GAS7: variants seen among roughly 807,000 people sequenced by gnomAD.
GAS7 encodes the protein growth arrest-specific protein 7.
GAS7 carries 28 observed loss-of-function variants against 71.1 expected under a neutral mutation model. The observed-to-expected ratio is 0.39, with a 90% confidence interval of 0.29 to 0.54. The LOEUF (loss-of-function observed/expected upper bound fraction) is 0.54, where lower values mean the gene tolerates loss of function less well. Ranked by LOEUF, GAS7 falls within the 20% of genes least tolerant of loss-of-function variation. The pLI is 0.62. For missense variants in GAS7, 436 were observed against 627.8 expected, an observed-to-expected ratio of 0.69 and a Z score of 3.27; for synonymous variants, 258 against 245.8, an observed-to-expected ratio of 1.05 and a Z score of -0.46.
intron 1 of GAS7, among the ~76,000 whole-genome samples, chr17:10,120,471 G>A (rs2073895432): frequency 6.6e-6 from 1 of 152,168 alleles, no homozygotes; most frequent in Admixed American, 6.5e-5. Context: ...ACAGTGAAGG[G>A]AGGCCAAGGC....
intron 2 of GAS7, among the ~76,000 whole-genome samples, chr17:9,983,643 C>T (rs1199631817): frequency 1.3e-5 from 2 of 151,862 alleles, no homozygotes. Flanking sequence ...CAAAAATTAG[C>T]TGGGCGCGAT....
chr17:10,033,583 A>C (rs566972786), intron 1 of GAS7, among the ~76,000 whole-genome samples: 62 of 152,366 alleles, frequency 4.1e-4, no homozygotes, highest in Non-Finnish European at 7.6e-4. Context: ...CTCACCAGAA[A>C]GGATCTTCAA....
intron 2 of GAS7, among the ~76,000 whole-genome samples, chr17:10,003,003 T>C (rs1179149529): frequency 6.6e-6 from 1 of 152,244 alleles, no homozygotes; most frequent in Non-Finnish European, 1.5e-5. Context: ...GACCACATCT[T>C]AACTTGATCA....
chr17:10,111,272 C>T (rs1241409414), intron 1 of GAS7, among the ~76,000 whole-genome samples: 8 of 145,518 alleles, frequency 5.5e-5, no homozygotes, highest in South Asian at 4.5e-4. Flanking sequence ...CAATGGCTCA[C>T]GCCTGTAATC....
intron 1 of GAS7, among the ~76,000 whole-genome samples, chr17:10,196,815 T>G (rs1471969331): frequency 1.3e-5 from 2 of 152,204 alleles, no homozygotes; most frequent in Non-Finnish European, 2.9e-5. Context: ...TTGCTTCTCA[T>G]GTAAGAAGCA....
At chr17:10,105,325 C>A (rs985513138) in intron 1 of GAS7, among the ~76,000 whole-genome samples, 7 of 152,098 alleles carry the variant, frequency 4.6e-5, no homozygotes, top group African/African-American at 1.7e-4. Context: ...CTCCTCTGAT[C>A]TTCTCCAGCA....
chr17:10,059,559 T>A, intron 1 of GAS7: 6 of 269,250 alleles, frequency 2.2e-5, no homozygotes, highest in Non-Finnish European at 3.4e-5. Flanking sequence ...AGCCAAACCC[T>A]AGCCAAGCAA....
chr17:9,963,053 A>AAAG (rs1555605776), intron 4 of GAS7, among the ~76,000 whole-genome samples: 3 of 150,846 alleles, frequency 2.0e-5, no homozygotes, highest in African/African-American at 7.4e-5. Context: ...AAAAAAAAAA[A>AAAG]GAAAAAAAGG....
At chr17:9,939,062 T>C (rs369210101) in intron 8 of GAS7, among the ~76,000 whole-genome samples, 27 of 152,354 alleles carry the variant, frequency 1.8e-4, no homozygotes, top group African/African-American at 6.3e-4. Flanking sequence ...GTGGGTTGTT[T>C]CCACCTTTTG....
At chr17:10,041,566 T>C (rs1373432394) in intron 1 of GAS7, among the ~76,000 whole-genome samples, 1 of 152,232 alleles carries the variant, frequency 6.6e-6, no homozygotes, top group African/African-American at 2.4e-5. Context: ...AGACATTTAA[T>C]TCTTTAGGAT....
At chr17:10,144,179 G>C (rs963503053) in intron 1 of GAS7, among the ~76,000 whole-genome samples, 5 of 152,196 alleles carry the variant, frequency 3.3e-5, no homozygotes, top group African/African-American at 9.7e-5. Flanking sequence ...GCTAGTGACT[G>C]TTTCCCCTTT....
At chr17:10,134,442 C>T (rs538882211) in intron 1 of GAS7, among the ~76,000 whole-genome samples, 1 of 152,174 alleles carries the variant, frequency 6.6e-6, no homozygotes, top group East Asian at 1.9e-4. Flanking sequence ...GATATATACC[C>T]AGTAGTGGGA....
At chr17:10,099,955 G>T (rs1041406049) in intron 1 of GAS7, among the ~76,000 whole-genome samples, 2 of 152,192 alleles carry the variant, frequency 1.3e-5, no homozygotes, top group South Asian at 4.1e-4. Flanking sequence ...ATGGGTTCAA[G>T]AAATATTCTT....
At position 9,913,258 on chromosome 17, in the gene GAS7, G is replaced by A; in HGVS notation, c.*3970C>T. ...ATTATGGGGATAAGACGATGTCCAG[G>A]CTACGTGGGGGGGCAGCTGATCTGT... On this transcript the variant is annotated 3_prime_UTR_variant, in exon 14 of 14. Coordinates refer to ENST00000432992, the MANE Select transcript of GAS7 (RefSeq NM_201433.2). 4.3e-6 allele frequency: 1 copy of A among 232,662 alleles called. No homozygotes were observed. Among genetic ancestry groups the A allele is most frequent in the Non-Finnish European group, 8.5e-6 (1 of 117,584 alleles). The allele number at this position is 232,662 out of a possible 1,614,324, so 14.4% of individuals were successfully genotyped here.
At chr17:9,934,498 T>TG (rs59282400) in intron 8 of GAS7, among the ~76,000 whole-genome samples, 2,540 of 147,836 alleles carry the variant, frequency 0.017, 24 homozygotes, top group Middle Eastern at 0.035. Flanking sequence ...AGCCAAGAGG[T>TG]GGGGGGGGTG....
chr17:10,169,431 T>C (rs2074318899), intron 1 of GAS7, among the ~76,000 whole-genome samples: 1 of 152,168 alleles, frequency 6.6e-6, no homozygotes, highest in African/African-American at 2.4e-5. Context: ...CTACAGTTTA[T>C]GCTGTTTGTA....
At chr17:9,975,013 A>T (rs113527120) in intron 3 of GAS7, among the ~76,000 whole-genome samples, 38 of 152,294 alleles carry the variant, frequency 2.5e-4, no homozygotes, top group African/African-American at 9.1e-4. Context: ...GTCTGGCCTA[A>T]TTTCTCCTCT....
At chr17:9,954,336 G>T (rs2069139297) in intron 5 of GAS7, among the ~76,000 whole-genome samples, 1 of 152,096 alleles carries the variant, frequency 6.6e-6, no homozygotes, top group Admixed American at 6.6e-5. Flanking sequence ...GACAGCGGGG[G>T]CCACAGAAGC....
intron 8 of GAS7, among the ~76,000 whole-genome samples, chr17:9,935,288 A>G (rs8072109): frequency 0.46 from 70,461 of 152,070 alleles, 17,487 homozygotes; most frequent in African/African-American, 0.64. Flanking sequence ...TCCTCTTAGC[A>G]GCATCACTTC....
Sources: gnomAD v4.1 joint callset for allele counts (sites outside exome capture counted in the v4.1 genomes callset) on GRCh38, gnomAD v4.1.1 for gene constraint, MANE v1.5 for transcripts, NCBI Gene and HGNC (gene_info 2026-07-23, HGNC 2026-07-21) for gene names.